The following NRP2 variants were observed in gnomAD, a reference collection of about 807,000 sequenced individuals.
The protein encoded by NRP2 is neuropilin-2.
NRP2 carries 52 observed loss-of-function variants against 110.4 expected under a neutral mutation model. The observed-to-expected ratio is 0.47, with a 90% CI of 0.38 to 0.59. The LOEUF (loss-of-function observed/expected upper bound fraction) is 0.59, where lower values mean the gene tolerates loss of function less well. NRP2 is among the 20% of genes least tolerant of loss of function. The probability of loss-of-function intolerance (pLI) is 0.00; values close to 1 mark genes in which losing one functional copy is unlikely to be tolerated. For synonymous variants in NRP2, 508 were observed against 468.9 expected (o/e 1.08, Z -1.08); for missense variants, 1,049 against 1,203.0 (o/e 0.87, Z 1.89).
intron 15 of NRP2, among the ~76,000 whole-genome samples, chr2:205,784,671 G>A (rs1008115674): frequency 6.6e-6 from 1 of 152,182 alleles, no homozygotes. Context: ...CTCTTTCTCT[G>A]TGGAGGAGCT....
intron 12 of NRP2, among the ~76,000 whole-genome samples, chr2:205,756,187 G>A (rs1294880646): frequency 6.6e-6 from 1 of 152,042 alleles, no homozygotes; most frequent in East Asian, 1.9e-4. Flanking sequence ...TGGCTTAGCT[G>A]CCTGGAGTGT....
intron 2 of NRP2, among the ~76,000 whole-genome samples, chr2:205,714,084 A>T (rs965088503): frequency 1.3e-5 from 2 of 152,178 alleles, no homozygotes; most frequent in African/African-American, 4.8e-5. Context: ...AAATACAACA[A>T]ATCACAGTTC....
chr2:205,772,458 C>T (rs963344172), intron 15 of NRP2, among the ~76,000 whole-genome samples: 2 of 152,180 alleles, frequency 1.3e-5, no homozygotes, highest in African/African-American at 4.8e-5. Context: ...AGATGGGAGC[C>T]TGTGCAACCT....
At chr2:205,727,503 C>T (rs1447291961) in intron 6 of NRP2, among the ~76,000 whole-genome samples, 1 of 152,160 alleles carries the variant, frequency 6.6e-6, no homozygotes, top group Non-Finnish European at 1.5e-5. Context: ...TTGGATTGAA[C>T]TGGACAGGAG....
At chr2:205,721,153 G>A (rs1179332909) in intron 3 of NRP2, among the ~76,000 whole-genome samples, 5 of 152,150 alleles carry the variant, frequency 3.3e-5, no homozygotes, top group Non-Finnish European at 5.9e-5. Flanking sequence ...GACTCAATGA[G>A]AGGCCCCCTA....
intron 1 of NRP2, among the ~76,000 whole-genome samples, chr2:205,695,016 T>C (rs2056393619): frequency 6.6e-6 from 1 of 152,248 alleles, no homozygotes; most frequent in Non-Finnish European, 1.5e-5. Context: ...GATATGTATA[T>C]GTACTTGAAG....
intron 2 of NRP2, among the ~76,000 whole-genome samples, chr2:205,698,221 T>TAA (rs35600028): frequency 7.1e-6 from 1 of 141,836 alleles, no homozygotes; most frequent in Non-Finnish European, 1.5e-5. Flanking sequence ...AAAAAAAGGG[T>TAA]AAAAAAAAAA....
At chr2:205,751,511 G>A (rs572185626) in intron 11 of NRP2, among the ~76,000 whole-genome samples, 1 of 152,306 alleles carries the variant, frequency 6.6e-6, no homozygotes, top group East Asian at 1.9e-4. Flanking sequence ...CAAGCCACAG[G>A]TTGATGCTTC....
chr2:205,771,486 T>G (rs2058022868), intron 15 of NRP2, among the ~76,000 whole-genome samples: 1 of 152,232 alleles, frequency 6.6e-6, no homozygotes, highest in South Asian at 2.1e-4. Context: ...AAAACAATTC[T>G]GACATGCAAT....
rs765601036 is a variant in NRP2, at chr2:205,686,542, G to C, written c.73+3179G>C. Among the ~76,000 whole-genome samples the C allele has an allele frequency of 2.2e-4, 33 of 152,216 alleles. No homozygotes were observed. Among genetic ancestry groups the C allele is most frequent in the African/African-American group, 7.5e-4 (31 of 41,464 alleles). ...CTTCGACTCGGGCTGGCTGTGCCGG[G>C]GGTCTTTCCCACCGGGTCGCAGGCG... On this transcript the variant is annotated intron_variant, in intron 1 of 16. Transcript: ENST00000357785. The surrounding 1 kb of genome is among the most constrained non-coding windows in gnomAD (Gnocchi z 4.7).
intron 15 of NRP2, among the ~76,000 whole-genome samples, chr2:205,775,091 G>A (rs543029525): frequency 2.0e-4 from 30 of 152,332 alleles, no homozygotes; most frequent in South Asian, 6.2e-4. Flanking sequence ...CATGAGTAGA[G>A]AGGATGCATC....
chr2:205,746,755 G>A (rs755149942), intron 10 of NRP2, among the ~76,000 whole-genome samples: 5 of 152,310 alleles, frequency 3.3e-5, no homozygotes, highest in Admixed American at 6.5e-5. Context: ...TACCTGTCAC[G>A]GGCTCAGCCG....
At chr2:205,734,551 G>C (rs970773466) in intron 7 of NRP2, among the ~76,000 whole-genome samples, 1 of 152,178 alleles carries the variant, frequency 6.6e-6, no homozygotes, top group African/African-American at 2.4e-5. Context: ...AGGGAAGGGG[G>C]TGGGAGAGGG....
At chr2:205,706,450 G>T (rs957597578) in intron 2 of NRP2, among the ~76,000 whole-genome samples, 3 of 152,138 alleles carry the variant, frequency 2.0e-5, no homozygotes, top group Non-Finnish European at 4.4e-5. Flanking sequence ...TCGTGATGCA[G>T]GTTTTAATGG....
chr2:205,699,862 G>A (rs1192929960), intron 2 of NRP2, among the ~76,000 whole-genome samples: 1 of 152,168 alleles, frequency 6.6e-6, no homozygotes, highest in Admixed American at 6.5e-5. Context: ...TCTGGGGTCT[G>A]TTTCTCCCAG....
At chr2:205,710,433 G>A (rs1427276493) in intron 2 of NRP2, among the ~76,000 whole-genome samples, 5 of 152,210 alleles carry the variant, frequency 3.3e-5, no homozygotes, top group Admixed American at 2.6e-4. Context: ...CTGAATCAAT[G>A]GCCTGGCCCA....
In NRP2 at chr2:205,795,084, C is replaced by T. The variant is rs369004184; in HGVS notation, c.*26C>T. 2.5e-6 allele frequency: 4 copies of T among 1,605,904 alleles called. No homozygotes were observed. Among genetic ancestry groups the T allele is most frequent in the Non-Finnish European group, 2.6e-6 (3 of 1,173,794 alleles). ...CGGATTGCACCTGAATCCTATCTGA[C>T]GTTTCATTCCAGCAAGAGGGGCTGG... On this transcript the variant is annotated 3_prime_UTR_variant, in exon 17 of 17. Transcript: ENST00000357785.
In NRP2 at chr2:205,787,713, A is replaced by AGTGTGT. The variant is rs1553600976; in HGVS notation, c.2426-4518_2426-4517insGTGTGT. 3.3e-4 allele frequency among the ~76,000 whole-genome samples: 34 copies of AGTGTGT among 103,996 alleles called. 1 individual carries two copies. Among genetic ancestry groups the AGTGTGT allele is most frequent in the African/African-American group, 1.1e-3 (29 of 26,728 alleles). The allele number at this position is 103,996 out of a possible 152,430, so 68.2% of individuals were successfully genotyped here. On this transcript the variant is annotated intron_variant, in intron 15 of 16. Transcript: ENST00000357785. The stretch of plus-strand genomic sequence containing the variant: ...GAGGGAGAGAGGAAAGATAAAAAAA[A>AGTGTGT]GTGTCTGTGTGTGTGTGTGTGTGTG...
In NRP2 at chr2:205,743,395, C is replaced by T; in HGVS notation, c.1484C>T (p.Pro495Leu). The T allele has an allele frequency of 6.2e-7, 1 of 1,614,238 alleles. No individual in the cohort carries two copies. The highest frequency in any genetic ancestry group is 8.5e-7 in the Non-Finnish European group (1 of 1,180,040). Reference sequence around the variant, plus strand: ...TGGCTTCAGGTAGATCTGGGAACACCCAAGACAGTGAAAGGTGTCATCATC... The same window carrying T: ...TGGCTTCAGGTAGATCTGGGAACACTCAAGACAGTGAAAGGTGTCATCATC... ...EEWLQVDLGT[P>L]KTVKGVIIQG... The change falls in exon 9 of 17, where the codon CCC (proline) becomes CTC (leucine). Residue 495 changes from proline to leucine, a missense_variant. By Grantham distance (98) the Pro-to-Leu change is moderately conservative. Transcript: ENST00000357785.
Sources: allele counts gnomAD v4.1 joint callset (sites outside exome capture counted in the v4.1 genomes callset), GRCh38; gene constraint gnomAD v4.1.1; non-coding constraint Gnocchi (gnomAD v3.1); transcripts MANE v1.5; gene names NCBI Gene and HGNC (gene_info 2026-07-23, HGNC 2026-07-21).